The following MAP7 variants were observed in gnomAD, a reference collection of about 807,000 sequenced individuals.
MAP7 encodes the protein microtubule associated protein 7, also known as ensconsin.
MAP7 carries 52 observed loss-of-function variants against 94.8 expected under a neutral mutation model. That is an observed-to-expected ratio of 0.55 (90% CI 0.44 to 0.69). The LOEUF (loss-of-function observed/expected upper bound fraction) is 0.69. MAP7 is among the 30% of genes least tolerant of loss of function. The pLI is 0.00. For synonymous variants in MAP7, 350 were observed against 357.0 expected, an observed-to-expected ratio of 0.98 and a Z score of 0.22; for missense variants, 940 against 964.6, an observed-to-expected ratio of 0.97 and a Z score of 0.34.
chr6:136,437,973 A>G (rs1796821631), intron 1 of MAP7, among the ~76,000 whole-genome samples: 1 of 152,128 alleles, frequency 6.6e-6, no homozygotes, highest in Non-Finnish European at 1.5e-5. Context: ...ACATCCAAAT[A>G]CTCATTCAAC....
intron 1 of MAP7, among the ~76,000 whole-genome samples, chr6:136,523,787 A>C (rs545552887): frequency 6.6e-6 from 1 of 152,296 alleles, no homozygotes; most frequent in Admixed American, 6.5e-5. Context: ...AAACTCCTTG[A>C]TTAAGTCTCT....
At position 136,344,023 on chromosome 6, in the gene MAP7, C is replaced by T. The variant is rs1343191563; in HGVS notation, c.*205G>A. ...CATTTTAAAGTATTGAAGAATGAGA[C>T]GTATTTCTTTTTTCCTATTGATGAA... On this transcript the variant is annotated 3_prime_UTR_variant, in exon 18 of 18. Transcript: ENST00000354570. 1.5e-5 allele frequency: 5 copies of T among 331,746 alleles called. No individual in the cohort carries two copies. Among genetic ancestry groups the T allele is most frequent in the African/African-American group, 4.2e-5 (2 of 47,278 alleles). The allele number at this position is 331,746 out of a possible 1,614,324, so 20.6% of individuals were successfully genotyped here.
intron 1 of MAP7, among the ~76,000 whole-genome samples, chr6:136,532,118 A>G (rs896044752): frequency 1.3e-5 from 2 of 152,204 alleles, no homozygotes; most frequent in Non-Finnish European, 2.9e-5. Context: ...GACCTACCCA[A>G]GCTGCCCCAG....
At chr6:136,519,909 C>T (rs570946072) in intron 1 of MAP7, among the ~76,000 whole-genome samples, 2 of 152,042 alleles carry the variant, frequency 1.3e-5, no homozygotes, top group South Asian at 2.1e-4. Flanking sequence ...CAGAAAACAA[C>T]AAAACAGGGC....
intron 1 of MAP7, among the ~76,000 whole-genome samples, chr6:136,441,124 G>C (rs1797738147): frequency 6.6e-6 from 1 of 152,132 alleles, no homozygotes; most frequent in Non-Finnish European, 1.5e-5. Context: ...CTATATCTTG[G>C]CTGTTGTGAA....
chr6:136,406,518 C>G (rs1785662799), intron 3 of MAP7, among the ~76,000 whole-genome samples: 1 of 152,090 alleles, frequency 6.6e-6, no homozygotes, highest in African/African-American at 2.4e-5. Context: ...ATACTAAAAT[C>G]ATGCTTAAAA....
At chr6:136,496,716 G>A (rs983380747) in intron 1 of MAP7, among the ~76,000 whole-genome samples, 3 of 148,766 alleles carry the variant, frequency 2.0e-5, no homozygotes, top group Non-Finnish European at 4.4e-5. Context: ...GAGGAGGGTG[G>A]ATCTCTTGAG....
In MAP7 at chr6:136,345,841, T is replaced by A. The variant is rs1393062418; in HGVS notation, c.2239+15A>T. The A allele has an allele frequency of 1.2e-6, 2 of 1,604,546 alleles. No homozygotes were observed. Among genetic ancestry groups the A allele is most frequent in the Non-Finnish European group, 1.7e-6 (2 of 1,171,404 alleles). On this transcript the variant is annotated intron_variant, in intron 17 of 17. Transcript: ENST00000354570. ...ATTTCTGATGACTACAGAAGGGAGTTGGAGGCAAGCTTACCTGCAGTCTGC... is the reference window on the plus strand; with the variant it reads ...ATTTCTGATGACTACAGAAGGGAGTAGGAGGCAAGCTTACCTGCAGTCTGC...
intron 1 of MAP7, among the ~76,000 whole-genome samples, chr6:136,470,212 T>C (rs1197218745): frequency 1.3e-5 from 2 of 152,086 alleles, no homozygotes; most frequent in Non-Finnish European, 2.9e-5. Context: ...CTCTTAACTT[T>C]TGGCTACTAA....
At chr6:136,446,213 A>T (rs757028545) in intron 1 of MAP7, among the ~76,000 whole-genome samples, 34 of 151,756 alleles carry the variant, frequency 2.2e-4, no homozygotes, top group Non-Finnish European at 3.4e-4. Flanking sequence ...AGGGCACAGC[A>T]TGGGAGAAGA....
intron 1 of MAP7, among the ~76,000 whole-genome samples, chr6:136,538,707 G>A (rs1287512014): frequency 1.4e-5 from 2 of 148,020 alleles, no homozygotes; most frequent in Non-Finnish European, 3.0e-5. Context: ...TGGGAGGATC[G>A]TTGGAGCCCA....
chr6:136,447,317 T>C (rs569176041), intron 1 of MAP7, among the ~76,000 whole-genome samples: 113 of 152,246 alleles, frequency 7.4e-4, no homozygotes, highest in Non-Finnish European at 1.2e-3. Context: ...GTTAAACATC[T>C]GGCAAGGCTT....
chr6:136,389,135 G>C (rs1173548919), intron 4 of MAP7, among the ~76,000 whole-genome samples: 1 of 152,170 alleles, frequency 6.6e-6, no homozygotes, highest in Non-Finnish European at 1.5e-5. Flanking sequence ...GTTTGGACCA[G>C]AGAAATGGGC....
At chr6:136,503,402 A>G (rs1028998511) in intron 1 of MAP7, among the ~76,000 whole-genome samples, 4 of 149,402 alleles carry the variant, frequency 2.7e-5, no homozygotes, top group African/African-American at 7.4e-5. Context: ...CTGAGGGGGA[A>G]AAAAAAAGGG....
At chr6:136,401,616 C>T (rs924731319) in intron 3 of MAP7, among the ~76,000 whole-genome samples, 5 of 152,068 alleles carry the variant, frequency 3.3e-5, no homozygotes, top group Non-Finnish European at 7.4e-5. Context: ...GAACATCACA[C>T]ACCTGGGCCT....
intron 6 of MAP7, among the ~76,000 whole-genome samples, chr6:136,382,044 C>A (rs9385756): frequency 0.048 from 7,260 of 152,090 alleles, 348 homozygotes; most frequent in African/African-American, 0.12. Context: ...CAATAATTAG[C>A]CTGTAGGACA....
intron 1 of MAP7, among the ~76,000 whole-genome samples, chr6:136,546,659 G>C (rs1829759352): frequency 6.6e-6 from 1 of 152,044 alleles, no homozygotes; most frequent in African/African-American, 2.4e-5. Context: ...TGTCTTCCTT[G>C]CTAAATTCAA....
intron 6 of MAP7, 119 bp downstream of exon 6, chr6:136,383,552 C>G: frequency 1.9e-6 from 1 of 531,992 alleles, no homozygotes. Flanking sequence ...AAGTTTTTTT[C>G]TTCCTATTTA....
chr6:136,465,729 T>C lies in MAP7; in HGVS notation c.68-43930A>G, dbSNP rs114173327. ...GATCCAACCCCAAAGATATTTCTAA[T>C]ATGCTGCCCGGACTCTATATTTTAT... On this transcript the variant is annotated intron_variant, in intron 1 of 17. Transcript: ENST00000354570. Among the ~76,000 whole-genome samples, 311 of 152,286 alleles carry C rather than the reference T, an allele frequency of 2.0e-3. 1 individual carries two copies. The highest frequency in any genetic ancestry group is 7.3e-3 in the African/African-American group (303 of 41,562).
Sources: allele counts gnomAD v4.1 joint callset (sites outside exome capture counted in the v4.1 genomes callset), GRCh38; gene constraint gnomAD v4.1.1; transcripts MANE v1.5; gene names NCBI Gene and HGNC (gene_info 2026-07-23, HGNC 2026-07-21).